Variants in PA2G4 observed in about 807,000 individuals in gnomAD.
PA2G4 encodes proliferation-associated 2G4.
Under a neutral mutation model 53.3 loss-of-function variants are expected in PA2G4, and 8 were observed. The observed-to-expected ratio is 0.15, with a 90% confidence interval of 0.09 to 0.27. PA2G4 has a LOEUF of 0.27. PA2G4 is among the 10% of genes least tolerant of loss of function. PA2G4 has a pLI of 1.00. For synonymous variants in PA2G4, 143 were observed against 169.8 expected, an observed-to-expected ratio of 0.84 and a Z score of 1.23; for missense variants, 208 against 486.8, an observed-to-expected ratio of 0.43 and a Z score of 5.39.
chr12:56,107,505 A>G lies in PA2G4; in HGVS notation c.394-16A>G. ...GACTTTCCAGGAAGATACTGATTGC[A>G]TGTCCTTATCTACAGGGGACCCAAG... On this transcript the variant is annotated splice_polypyrimidine_tract_variant and intron_variant, in intron 4 of 12. Coordinates refer to ENST00000303305, the MANE Select transcript of PA2G4 (RefSeq NM_006191.3). 6.3e-7 allele frequency: 1 copy of G among 1,576,884 alleles called. No homozygotes were observed. Among genetic ancestry groups the G allele is most frequent in the Non-Finnish European group, 8.7e-7 (1 of 1,145,996 alleles).
rs760567113 is a variant in PA2G4, at chr12:56,110,471, G to C, written c.702G>C (p.Glu234Asp). Residue 234 changes from glutamate to aspartate, a missense_variant, in exon 8 of 13, where the codon GAG becomes GAC. Physicochemically the swap from Glu to Asp is conservative, Grantham distance 45 (BLOSUM62 2). Transcript: ENST00000303305. Reference sequence around the variant, plus strand: ...TGGATGTTCTCGTCAGCTCAGGAGAGGGCAAGGTGAGGAGAGTACCAGAGT... The same window carrying C: ...TGGATGTTCTCGTCAGCTCAGGAGACGGCAAGGTGAGGAGAGTACCAGAGT... ...YAVDVLVSSGEGKAKDAGQRT... is the reference protein window; with the variant it reads ...YAVDVLVSSGDGKAKDAGQRT... 1 of 1,613,426 alleles carries C rather than the reference G, an allele frequency of 6.2e-7. No homozygotes were observed. The highest frequency in any genetic ancestry group is 8.5e-7 in the Non-Finnish European group (1 of 1,179,334).
rs1869366420 is a variant in PA2G4, at chr12:56,109,220, G to A, written c.487-10G>A. On this transcript the variant is annotated splice_polypyrimidine_tract_variant and intron_variant, in intron 5 of 12. Coordinates refer to ENST00000303305, the MANE Select transcript of PA2G4 (RefSeq NM_006191.3). ...GATATCTCACCTTTCATTTGATGTTGTACTTCTAGAACACACAAGTGACAG... is the reference window on the plus strand; with the variant it reads ...GATATCTCACCTTTCATTTGATGTTATACTTCTAGAACACACAAGTGACAG... The A allele has an allele frequency of 1.9e-6, 3 of 1,592,144 alleles. No homozygotes were observed. The highest frequency in any genetic ancestry group is 2.6e-6 in the Non-Finnish European group (3 of 1,163,548).
chr12:56,109,951 A>G lies in PA2G4; in HGVS notation c.629+16A>G, dbSNP rs1869384303. 6.3e-7 allele frequency: 1 copy of G among 1,579,856 alleles called. No individual in the cohort carries two copies. The highest frequency in any genetic ancestry group is 8.7e-7 in the Non-Finnish European group (1 of 1,148,816). Reference sequence around the variant, plus strand: ...ACCAGCAGAAGTAGGTGCCAACCCTACTTATTACCTTCTACCACACAAGAC... The same window carrying G: ...ACCAGCAGAAGTAGGTGCCAACCCTGCTTATTACCTTCTACCACACAAGAC... On this transcript the variant is annotated intron_variant, in intron 7 of 12. Coordinates refer to ENST00000303305, the MANE Select transcript of PA2G4 (RefSeq NM_006191.3).
At chr12:56,104,973 C>A in intron 1 of PA2G4, 148 bp downstream of exon 1, 2 of 789,156 alleles carry the variant, frequency 2.5e-6, no homozygotes, top group Non-Finnish European at 4.4e-6. Context: ...TGGGAAGACC[C>A]GGTGTCGCGC....
intron 2 of PA2G4, 68 bp downstream of exon 2, chr12:56,106,784 T>C: frequency 1.3e-6 from 2 of 1,535,200 alleles, no homozygotes; most frequent in East Asian, 2.2e-5. Flanking sequence ...TTTTTATTTT[T>C]TTCACTGTAA....
At chr12:56,110,282 C>T (rs986418480) in intron 7 of PA2G4, 117 bp from the exon 8 acceptor site, 3 of 675,428 alleles carry the variant, frequency 4.4e-6, no homozygotes, top group Non-Finnish European at 5.3e-6. Flanking sequence ...GTTGCTTGGA[C>T]CCGGGAGGTG....
In PA2G4 at chr12:56,106,884, T is replaced by G. The variant is rs188316890; in HGVS notation, c.218-106T>G. On this transcript the variant is annotated intron_variant, in intron 2 of 12. Coordinates refer to ENST00000303305, the MANE Select transcript of PA2G4 (RefSeq NM_006191.3). ...AAGCAGTTTCCTACCTAATCCAAACTGATGAAACTTAAGCAAGACCCTGAA... is the reference window on the plus strand; with the variant it reads ...AAGCAGTTTCCTACCTAATCCAAACGGATGAAACTTAAGCAAGACCCTGAA... The G allele has an allele frequency of 2.3e-6, 3 of 1,277,752 alleles. No individual in the cohort carries two copies. In the African/African-American group the frequency reaches 4.5e-5, roughly 19 times the overall value. 79.2% of individuals were successfully genotyped at this position (1,277,752 alleles called of 1,614,324 possible). A position where few individuals can be genotyped will look rare whatever the true frequency, so the allele number is the denominator to read the frequency against.
At position 56,104,837 on chromosome 12, in the gene PA2G4, C is replaced by G. The variant is rs774106974; in HGVS notation, c.88+12C>G. On this transcript the variant is annotated intron_variant, in intron 1 of 12. Transcript: ENST00000303305. Reference sequence around the variant, plus strand: ...CGACATCGCCAACAGTGAGTGCGGCCTCGGGGGTCGGGGAATCAAGGCTGA... The same window carrying G: ...CGACATCGCCAACAGTGAGTGCGGCGTCGGGGGTCGGGGAATCAAGGCTGA... 36 of 1,608,924 alleles carry G rather than the reference C, an allele frequency of 2.2e-5. No homozygotes were observed. Among genetic ancestry groups the G allele is most frequent in the Non-Finnish European group, 2.9e-5 (34 of 1,175,900 alleles).
At chr12:56,105,977 G>A (rs944443372) in intron 1 of PA2G4, among the ~76,000 whole-genome samples, 22 of 152,062 alleles carry the variant, frequency 1.4e-4, no homozygotes, top group Non-Finnish European at 4.4e-5. Flanking sequence ...ATTTAGTATC[G>A]TACCCTGGTT....
rs1565864080 is a variant in PA2G4 at position 56,107,003 on chromosome 12, C to T, written c.231C>T (p.Pro77=). The change falls in exon 3 of 13, where the codon CCC becomes CCT. Residue 77 remains proline, a synonymous_variant. Transcript: ENST00000303305. ...CTTTCTTTACAGGTATTGCTTTTCC[C>T]ACCAGCATTTCGGTAAATAACTGTG... The part of the protein sequence containing the change: ...EKEMKKGIAF[P]TSISVNNCVC... The T allele has an allele frequency of 1.9e-6, 3 of 1,612,650 alleles. No homozygotes were observed. The highest frequency in any genetic ancestry group is 2.7e-5 in the African/African-American group (2 of 75,002).
intron 4 of PA2G4, 24 bp from the exon 5 acceptor site, chr12:56,107,497 C>T (rs372667299): frequency 1.9e-4 from 291 of 1,536,686 alleles, no homozygotes; most frequent in Non-Finnish European, 2.6e-4. Context: ...CAGGAAGATA[C>T]TGATTGCATG....
In PA2G4 at chr12:56,107,250, A is replaced by G. The variant is rs764039319; in HGVS notation, c.387A>G (p.Val129=). ...ANVAHTFVVD[V]AQGTQVTGRK... ...TAGCTCACACTTTTGTGGTTGATGT[A>G]GCTCAGGTAGGTGGCCTGCTTTTGA... The change falls in exon 4 of 13, where the codon GTA becomes GTG. Residue 129 remains valine (V), a synonymous_variant. Transcript: ENST00000303305. The G allele has an allele frequency of 1.4e-5, 22 of 1,612,034 alleles. No homozygotes were observed. The highest frequency in any genetic ancestry group is 1.9e-5 in the Non-Finnish European group (22 of 1,179,168).
rs1042873834 is a variant in PA2G4 at position 56,110,803 on chromosome 12, C to A, written c.842+111C>A. ...ACTTGTAGCGTGCATGTGCTCACTC[C>A]CTCCCTCTCTCTCCCCATCTCCTTC... is the stretch of plus-strand genomic sequence containing the variant. On this transcript the variant is annotated intron_variant, in intron 9 of 12. Coordinates refer to ENST00000303305, the MANE Select transcript of PA2G4 (RefSeq NM_006191.3). 21 of 1,386,334 alleles carry A rather than the reference C, an allele frequency of 1.5e-5. No homozygotes were observed. In the African/African-American group the frequency reaches 2.1e-4, roughly 14 times the overall value. 85.9% of individuals were successfully genotyped at this position (1,386,334 alleles called of 1,614,324 possible). A position where few individuals can be genotyped will look rare whatever the true frequency, so the allele number is the denominator to read the frequency against.
intron 12 of PA2G4, 94 bp downstream of exon 12, chr12:56,111,623 C>A: frequency 3.7e-6 from 4 of 1,066,878 alleles, no homozygotes; most frequent in Non-Finnish European, 5.7e-6. Context: ...GATTTTTATA[C>A]AGATGCTCCT....
At chr12:56,110,086 C>T (rs528218011) in intron 7 of PA2G4, 151 bp downstream of exon 7, 126 of 672,266 alleles carry the variant, frequency 1.9e-4, no homozygotes, top group Non-Finnish European at 1.6e-4. Flanking sequence ...AGGCCGGGCG[C>T]GGTGGCTCAC....
chr12:56,110,149 A>AC (rs919368932), intron 7 of PA2G4, among the ~76,000 whole-genome samples: 93 of 152,186 alleles, frequency 6.1e-4, no homozygotes, highest in African/African-American at 2.0e-3. Context: ...ACCTGAGGTC[A>AC]CGAGTTCAGA....
rs377176451 is a variant in PA2G4 at position 56,110,550 on chromosome 12, C to T, written c.709-9C>T. 3.7e-5 allele frequency: 60 copies of T among 1,614,058 alleles called. No individual in the cohort carries two copies. In the African/African-American group the frequency reaches 7.5e-4, roughly 20 times the overall value. On this transcript the variant is annotated splice_polypyrimidine_tract_variant and intron_variant, in intron 8 of 12. Transcript: ENST00000303305. ...ACCAGACCAAATGTTACTTAAATTA[C>T]TCTTTCAGGCCAAGGATGCAGGACA...
intron 6 of PA2G4, among the ~76,000 whole-genome samples, 154 bp downstream of exon 6, chr12:56,109,447 C>T (rs1869371549): frequency 1.3e-5 from 2 of 151,748 alleles, no homozygotes; most frequent in Admixed American, 6.6e-5. Context: ...TGGTGAAACC[C>T]CGTCTCTACT....
chr12:56,105,198 A>G, intron 1 of PA2G4: 1 of 481,928 alleles, frequency 2.1e-6, no homozygotes, highest in Non-Finnish European at 4.1e-6. Context: ...GCGCCCAGCT[A>G]TTGGCGACAG....
Sources: allele counts gnomAD v4.1 joint callset (sites outside exome capture counted in the v4.1 genomes callset), GRCh38; gene constraint gnomAD v4.1.1; transcripts MANE v1.5; gene names NCBI Gene and HGNC (gene_info 2026-07-23, HGNC 2026-07-21).